Variants in TMEM163 observed in about 807,000 individuals in gnomAD.
TMEM163 encodes transmembrane protein 163.
A neutral mutation model predicts 29.3 loss-of-function variants in TMEM163; 17 were observed. That is an observed-to-expected ratio of 0.58 (90% confidence interval 0.40 to 0.87). TMEM163 has a LOEUF of 0.87. TMEM163 is among the 40% of genes least tolerant of loss of function. The probability of loss-of-function intolerance (pLI) is 0.00; values close to 1 mark genes in which losing one functional copy is unlikely to be tolerated. For synonymous variants in TMEM163, 157 were observed against 160.6 expected (o/e 0.98, Z 0.17); for missense variants, 303 against 381.5 (o/e 0.79, Z 1.71).
At chr2:134,487,537 CT>C (rs1679341149) in intron 5 of TMEM163, among the ~76,000 whole-genome samples, 1 of 152,190 alleles carries the variant, frequency 6.6e-6, no homozygotes, top group South Asian at 2.1e-4. Context: ...TTTCATTAAA[CT>C]TGGCAAACCA....
intron 1 of TMEM163, among the ~76,000 whole-genome samples, chr2:134,716,982 C>T (rs72972276): frequency 0.043 from 6,501 of 152,164 alleles, 481 homozygotes; most frequent in African/African-American, 0.15. Flanking sequence ...TGACAGTTTA[C>T]GAACAGTCAA....
chr2:134,589,552 A>T (rs1396626656), intron 2 of TMEM163, among the ~76,000 whole-genome samples: 1 of 152,194 alleles, frequency 6.6e-6, no homozygotes, highest in Admixed American at 6.5e-5. Context: ...CAGTTTACAG[A>T]TGCCATGGCA....
At chr2:134,700,941 A>ATT (rs1553495683) in intron 2 of TMEM163, among the ~76,000 whole-genome samples, 20 of 146,410 alleles carry the variant, frequency 1.4e-4, no homozygotes, top group South Asian at 4.4e-4. Context: ...TAAATAAATA[A>ATT]ATAAATAAAG....
chr2:134,469,225 TCCTGTACCTGGGAGG>T (rs1194203076), intron 5 of TMEM163: 1 of 151,908 alleles, frequency 6.6e-6, no homozygotes, highest in Admixed American at 6.6e-5. Context: ...GCGGGAAGTT[TCCTGTACCTGGGAGG>T]CTTCATCTCG....
At chr2:134,710,853 C>G (rs1423204009) in intron 2 of TMEM163, among the ~76,000 whole-genome samples, 1 of 152,074 alleles carries the variant, frequency 6.6e-6, no homozygotes, top group East Asian at 1.9e-4. Flanking sequence ...CAAAACTTCC[C>G]CGCCACACCA....
chr2:134,649,754 C>G (rs1296619728), intron 2 of TMEM163, among the ~76,000 whole-genome samples: 3 of 152,006 alleles, frequency 2.0e-5, no homozygotes, highest in Non-Finnish European at 4.4e-5. Flanking sequence ...GTGACTCATG[C>G]CTGTATTCCA....
At chr2:134,537,389 C>A (rs1680563370) in intron 4 of TMEM163, among the ~76,000 whole-genome samples, 1 of 152,114 alleles carries the variant, frequency 6.6e-6, no homozygotes, top group South Asian at 2.1e-4. Flanking sequence ...TGGTGAGGGC[C>A]CTCCTCCTGG....
rs769250989 is a variant in TMEM163 at position 134,456,712 on chromosome 2, C to A, written c.*4G>T. The A allele has an allele frequency of 2.5e-6, 4 of 1,614,010 alleles. No homozygotes were observed. The highest frequency in any genetic ancestry group is 3.4e-6 in the Non-Finnish European group (4 of 1,179,986). On this transcript the variant is annotated 3_prime_UTR_variant, in exon 8 of 8. Transcript: ENST00000281924. ...CGATGGTCTCATGCGGATGCTGGCCCCCTTCACTCAAACATCTCGTAGTGA... is the reference window on the plus strand; with the variant it reads ...CGATGGTCTCATGCGGATGCTGGCCACCTTCACTCAAACATCTCGTAGTGA...
chr2:134,554,751 C>T (rs1681012534), intron 2 of TMEM163, among the ~76,000 whole-genome samples: 1 of 152,104 alleles, frequency 6.6e-6, no homozygotes, highest in African/African-American at 2.4e-5. Flanking sequence ...TCCATGATTT[C>T]CAATACCCTC....
At chr2:134,642,828 T>G (rs181219092) in intron 2 of TMEM163, among the ~76,000 whole-genome samples, 1 of 151,732 alleles carries the variant, frequency 6.6e-6, no homozygotes, top group East Asian at 1.9e-4. Context: ...AAAATGAAAA[T>G]AGAGCATATT....
intron 2 of TMEM163, among the ~76,000 whole-genome samples, chr2:134,599,685 A>T (rs947978556): frequency 1.4e-5 from 2 of 146,070 alleles, no homozygotes; most frequent in Non-Finnish European, 3.0e-5. Context: ...CTATGTTCCC[A>T]ACTTTATCTT....
intron 2 of TMEM163, among the ~76,000 whole-genome samples, chr2:134,594,505 A>G (rs1487564376): frequency 6.6e-6 from 1 of 152,178 alleles, no homozygotes; most frequent in East Asian, 1.9e-4. Flanking sequence ...CTAGCTATTT[A>G]TATGCTGCCT....
chr2:134,718,137 C>A (rs1327992142), intron 1 of TMEM163, among the ~76,000 whole-genome samples: 1 of 152,252 alleles, frequency 6.6e-6, no homozygotes, highest in Non-Finnish European at 1.5e-5. Flanking sequence ...GACGACGGGG[C>A]AGGGACCCAC....
At chr2:134,462,425 T>C (rs1252177076) in intron 6 of TMEM163, among the ~76,000 whole-genome samples, 1 of 152,030 alleles carries the variant, frequency 6.6e-6, no homozygotes, top group African/African-American at 2.4e-5. Context: ...ACCCTAGACC[T>C]CAAGCCCTGC....
In TMEM163 at chr2:134,540,319, A is replaced by T. The variant is rs959918684; in HGVS notation, c.458+10251T>A. Reference sequence around the variant, plus strand: ...ATGAACACTAGCTCCTGGGAACACCAACCTGGCCCCTAGACTGCCCTGCAG... The same window carrying T: ...ATGAACACTAGCTCCTGGGAACACCTACCTGGCCCCTAGACTGCCCTGCAG... On this transcript the variant is annotated intron_variant, in intron 4 of 7. Coordinates refer to ENST00000281924, the MANE Select transcript of TMEM163 (RefSeq NM_030923.5). Among the ~76,000 whole-genome samples, 60 of 152,222 alleles carry T rather than the reference A, an allele frequency of 3.9e-4. 3 individuals are homozygous for T. Among genetic ancestry groups the T allele is most frequent in the Non-Finnish European group, 4.4e-5 (3 of 68,038 alleles).
chr2:134,592,430 T>G (rs1284891141), intron 2 of TMEM163, among the ~76,000 whole-genome samples: 1 of 152,212 alleles, frequency 6.6e-6, no homozygotes, highest in African/African-American at 2.4e-5. Flanking sequence ...TAAAATATTT[T>G]TTTTCCTTCA....
chr2:134,634,025 G>A (rs1683048188), intron 2 of TMEM163, among the ~76,000 whole-genome samples: 2 of 103,234 alleles, frequency 1.9e-5, no homozygotes, highest in African/African-American at 3.2e-5. Flanking sequence ...ATATATAATA[G>A]GACTGTTTTA....
chr2:134,580,937 A>G (rs1404305313), intron 2 of TMEM163, among the ~76,000 whole-genome samples: 2 of 152,160 alleles, frequency 1.3e-5, no homozygotes, highest in African/African-American at 4.8e-5. Flanking sequence ...CTAGGACAGG[A>G]GCAAGATGTG....
rs141570747 is a variant in TMEM163 at position 134,555,596 on chromosome 2, C to T, written c.323-3505G>A. Among the ~76,000 whole-genome samples, 365 of 152,344 alleles carry T rather than the reference C, an allele frequency of 2.4e-3. 2 individuals are homozygous for T. Among genetic ancestry groups the T allele is most frequent in the Non-Finnish European group, 4.4e-3 (302 of 68,028 alleles). On this transcript the variant is annotated intron_variant, in intron 2 of 7. Transcript: ENST00000281924. The stretch of plus-strand genomic sequence containing the variant: ...CAGGCAGCCGTGGGGCGGAGCTCTC[C>T]TATGAAGGCTGCTCTTGGCCCCATG...
Sources: allele counts gnomAD v4.1 joint callset (sites outside exome capture counted in the v4.1 genomes callset), GRCh38; gene constraint gnomAD v4.1.1; transcripts MANE v1.5; gene names NCBI Gene and HGNC (gene_info 2026-07-23, HGNC 2026-07-21).